The following STAB2 variants were observed in gnomAD, a reference collection of about 807,000 sequenced individuals.
The protein encoded by STAB2 is stabilin 2.
A neutral mutation model predicts 338.1 loss-of-function variants in STAB2; 288 were observed. The observed-to-expected ratio is 0.85, with a 90% CI of 0.77 to 0.94. The LOEUF is 0.94. Ranked by LOEUF, STAB2 falls within the 40% of genes least tolerant of loss-of-function variation. The pLI is 0.00. For missense variants in STAB2, 3,141 were observed against 3,210.1 expected (o/e 0.98, Z 0.52); for synonymous variants, 1,202 against 1,193.3 (o/e 1.01, Z -0.15).
At chr12:103,628,074 G>C (rs1189724787) in intron 5 of STAB2, among the ~76,000 whole-genome samples, 2 of 152,174 alleles carry the variant, frequency 1.3e-5, no homozygotes, top group Non-Finnish European at 2.9e-5. Flanking sequence ...CAACTTGACT[G>C]CTCTCCAGAA....
chr12:103,635,654 T>A (rs1957533388), intron 6 of STAB2, among the ~76,000 whole-genome samples: 1 of 152,222 alleles, frequency 6.6e-6, no homozygotes, highest in East Asian at 1.9e-4. Flanking sequence ...GCTGGTCATC[T>A]GGAGAGCTGG....
At chr12:103,654,422 T>C (rs530060174) in intron 12 of STAB2, 133 bp from the exon 13 acceptor site, 1 of 961,872 alleles carries the variant, frequency 1.0e-6, no homozygotes, top group South Asian at 1.9e-5. Flanking sequence ...CACTTTAGAT[T>C]AAGTGACTTA....
At chr12:103,706,281 T>G (rs888676389) in intron 37 of STAB2, among the ~76,000 whole-genome samples, 1 of 152,080 alleles carries the variant, frequency 6.6e-6, no homozygotes, top group African/African-American at 2.4e-5. Context: ...TTTAATGCAC[T>G]CAAGAATAAA....
intron 24 of STAB2, among the ~76,000 whole-genome samples, chr12:103,676,810 G>A (rs1022807297): frequency 6.6e-6 from 1 of 152,174 alleles, no homozygotes; most frequent in Non-Finnish European, 1.5e-5. Flanking sequence ...CAGCCAGAGT[G>A]GCTTGAAGTG....
In STAB2 at chr12:103,740,300, C is replaced by A. The variant is rs183482585; in HGVS notation, c.5755-330C>A. 1.9e-3 allele frequency among the ~76,000 whole-genome samples: 285 copies of A among 152,254 alleles called. 1 individual carries two copies. The highest frequency in any genetic ancestry group is 6.6e-3 in the African/African-American group (275 of 41,538). ...TACAATTTGGGAGCCTTGCCCCACA[C>A]CCCTTCCATGACAGCAAGCTACCTC... On this transcript the variant is annotated intron_variant, in intron 54 of 68. Transcript: ENST00000388887.
At chr12:103,757,821 T>A (rs1331051322) in intron 63 of STAB2, 1 of 261,316 alleles carries the variant, frequency 3.8e-6, no homozygotes, top group Non-Finnish European at 7.6e-6. Context: ...GCTTTGGGCC[T>A]CGTGAGCTGT....
chr12:103,699,034 G>A (rs927616243), intron 33 of STAB2, 62 bp from the exon 34 acceptor site: 5 of 1,552,170 alleles, frequency 3.2e-6, no homozygotes, highest in Non-Finnish European at 4.4e-6. Flanking sequence ...CAGCACATGG[G>A]AGAAGCTGGG....
rs760740893 is a variant in STAB2 at position 103,730,124 on chromosome 12, G to A, written c.5091G>A (p.Val1697=). 3.1e-6 allele frequency: 5 copies of A among 1,599,016 alleles called. No homozygotes were observed. The South Asian group carries it at 5.7e-5, about 18-fold the overall frequency. The stretch of plus-strand genomic sequence containing the variant: ...TTTTTGGTTGATTTCAGAGCACGGT[G>A]TATATAAACAATAAGGCTAAGATCA... The part of the protein sequence containing the change: ...PIVISVSQST[V]YINNKAKIIS... The change falls in exon 49 of 69, where the codon GTG becomes GTA. Residue 1697 remains valine, a synonymous_variant. Transcript: ENST00000388887.
chr12:103,716,316 G>A (rs1382073070), intron 43 of STAB2, among the ~76,000 whole-genome samples: 1 of 152,226 alleles, frequency 6.6e-6, no homozygotes, highest in African/African-American at 2.4e-5. Context: ...TGAGCTTGCA[G>A]CATCTGTCTG....
chr12:103,764,304 T>G (rs73192020), intron 68 of STAB2, among the ~76,000 whole-genome samples: 10,296 of 152,280 alleles, frequency 0.068, 416 homozygotes, highest in Middle Eastern at 0.078. Context: ...AAGATTTTAC[T>G]GCTTGTTGTC....
chr12:103,596,163 G>T (rs57895850), intron 3 of STAB2, among the ~76,000 whole-genome samples: 4,226 of 152,202 alleles, frequency 0.028, 222 homozygotes, highest in African/African-American at 0.097. Context: ...AACATTTTTT[G>T]TGCCAAATGT....
chr12:103,596,448 C>T (rs1244434385), intron 3 of STAB2, among the ~76,000 whole-genome samples: 2 of 152,158 alleles, frequency 1.3e-5, no homozygotes, highest in Admixed American at 6.5e-5. Flanking sequence ...GACTTTCTGC[C>T]TACTCCTTAT....
rs369295336 is a variant in STAB2 at position 103,662,507 on chromosome 12, G to T, written c.1870-339G>T. 2.1e-4 allele frequency among the ~76,000 whole-genome samples: 32 copies of T among 152,314 alleles called. 1 individual carries two copies. The East Asian group carries it at 5.8e-3, about 28-fold the overall frequency. ...GTCAATAAATGTATTCAAATGAATG[G>T]ATCCCTATTTCACCAGAGAGAGGTC... is the stretch of plus-strand genomic sequence containing the variant. On this transcript the variant is annotated intron_variant, in intron 17 of 68. Coordinates refer to ENST00000388887, the MANE Select transcript of STAB2 (RefSeq NM_017564.10).
intron 5 of STAB2, among the ~76,000 whole-genome samples, chr12:103,626,785 C>T (rs2138651695): frequency 6.6e-6 from 1 of 152,288 alleles, no homozygotes; most frequent in Middle Eastern, 3.4e-3. Flanking sequence ...TTATTTTTAA[C>T]ACTGGCTGTA....
At chr12:103,682,340 C>T (rs78015711) in intron 25 of STAB2, among the ~76,000 whole-genome samples, 1 of 152,122 alleles carries the variant, frequency 6.6e-6, no homozygotes, top group East Asian at 1.9e-4. Flanking sequence ...AGGGGAGGAT[C>T]GAGACTGCCC....
At chr12:103,656,304 G>A (rs1221924625) in intron 15 of STAB2, among the ~76,000 whole-genome samples, 3 of 152,234 alleles carry the variant, frequency 2.0e-5, no homozygotes, top group Admixed American at 6.5e-5. Context: ...GTAATGGGGA[G>A]AGATGACCTA....
In STAB2 at chr12:103,735,595, GAA is replaced by G; in HGVS notation, c.5550+16_5550+17del. 1.3e-6 allele frequency: 1 copy of G among 741,900 alleles called. No homozygotes were observed. Among genetic ancestry groups the G allele is most frequent in the Non-Finnish European group, 2.2e-6 (1 of 456,180 alleles). The allele number at this position is 741,900 out of a possible 1,614,324, so 46.0% of individuals were successfully genotyped here. ...GCAGGGACATCGTGAGTATCATCAT[GAA>G]GGGTGGGCAGGGAGGGGTTAACACA... On this transcript the variant is annotated intron_variant, in intron 52 of 68. Transcript: ENST00000388887.
At chr12:103,765,919 G>A in intron 68 of STAB2, 1 of 363,752 alleles carries the variant, frequency 2.7e-6, no homozygotes, top group South Asian at 2.2e-5. Context: ...ACCGAAAGGA[G>A]TTTTTATAAT....
At position 103,648,737 on chromosome 12, in the gene STAB2, G is replaced by C; in HGVS notation, c.1088G>C (p.Gly363Ala). 1.2e-6 allele frequency: 2 copies of C among 1,614,124 alleles called. 1 individual carries two copies. The highest frequency in any genetic ancestry group is 2.2e-5 in the South Asian group (2 of 91,068). ...GTGGGTGATGGCTTAACGTGTTATGGAAACATTATGGAGCGACTCAGAGAA... is the reference window on the plus strand; with the variant it reads ...GTGGGTGATGGCTTAACGTGTTATGCAAACATTATGGAGCGACTCAGAGAA... ...GYVGDGLTCY[G>A]NIMERLRELN... is the part of the protein sequence containing the mutation. The change falls in exon 10 of 69, where the codon GGA (glycine) becomes GCA (alanine). Residue 363 changes from glycine to alanine, a missense_variant. Gly to Ala is a moderately conservative substitution (Grantham distance 60). Transcript: ENST00000388887.
Sources: gnomAD v4.1 joint callset for allele counts (sites outside exome capture counted in the v4.1 genomes callset) on GRCh38, gnomAD v4.1.1 for gene constraint, MANE v1.5 for transcripts, NCBI Gene and HGNC (gene_info 2026-07-23, HGNC 2026-07-21) for gene names.